Variants in PTPRG observed in about 807,000 individuals in gnomAD.
PTPRG encodes the protein protein tyrosine phosphatase receptor type G.
Under a neutral mutation model 165.3 loss-of-function variants are expected in PTPRG, and 102 were observed. The observed-to-expected ratio is 0.62, with a 90% CI of 0.53 to 0.73. The LOEUF is 0.73. Ranked by LOEUF, PTPRG falls within the 30% of genes least tolerant of loss-of-function variation. PTPRG has a pLI of 0.00. For missense variants in PTPRG, 1,866 were observed against 1,861.4 expected, an observed-to-expected ratio of 1.00 and a Z score of -0.05; for synonymous variants, 675 against 669.5, an observed-to-expected ratio of 1.01 and a Z score of -0.13.
At chr3:62,262,551 C>T (rs977684622) in intron 16 of PTPRG, 1 of 371,196 alleles carries the variant, frequency 2.7e-6, no homozygotes, top group African/African-American at 2.1e-5. Context: ...TTTTACATCT[C>T]AGGGACTAGG....
intron 2 of PTPRG, among the ~76,000 whole-genome samples, chr3:61,816,588 A>G (rs1011819348): frequency 6.6e-6 from 1 of 152,192 alleles, no homozygotes; most frequent in South Asian, 2.1e-4. Flanking sequence ...CCATCCAGCT[A>G]TCAGATGGTT....
At chr3:62,248,221 G>T (rs1365802139) in intron 15 of PTPRG, among the ~76,000 whole-genome samples, 1 of 152,144 alleles carries the variant, frequency 6.6e-6, no homozygotes, top group Admixed American at 6.5e-5. Flanking sequence ...TATTTTATCA[G>T]ATAGATTTTG....
chr3:62,099,595 TTTTATAGA>T (rs1389418237), intron 5 of PTPRG, among the ~76,000 whole-genome samples: 5 of 152,150 alleles, frequency 3.3e-5, no homozygotes, highest in Non-Finnish European at 5.9e-5. Flanking sequence ...AAAACTTATG[TTTTATAGA>T]GACTTTTAAT....
Position 61,562,220 on chromosome 3 carries a change from A to C in PTPRG, c.-68A>C. On this transcript the variant is annotated 5_prime_UTR_variant, in exon 1 of 30. Coordinates refer to ENST00000474889, the MANE Select transcript of PTPRG (RefSeq NM_002841.4). ...GCGCCCCGGCTTAGCGGAGGCTCGC[A>C]CGGAGGCAAGAACTTATTCAACAAG... 1 of 1,439,878 alleles carries C rather than the reference A, an allele frequency of 6.9e-7. No homozygotes were observed. 89.2% of individuals were successfully genotyped at this position (1,439,878 alleles called of 1,614,324 possible). A position where few individuals can be genotyped will look rare whatever the true frequency, so the allele number is the denominator to read the frequency against.
intron 2 of PTPRG, among the ~76,000 whole-genome samples, chr3:61,818,315 G>C (rs950747748): frequency 1.3e-5 from 2 of 152,114 alleles, no homozygotes; most frequent in African/African-American, 2.4e-5. Flanking sequence ...TTATACATTA[G>C]TTTTAGAGAA....
chr3:61,581,650 C>T (rs945898122), intron 1 of PTPRG, among the ~76,000 whole-genome samples: 1 of 150,412 alleles, frequency 6.6e-6, no homozygotes, highest in Non-Finnish European at 1.5e-5. Context: ...CGCTCTGTCC[C>T]CCAGGCTGGA....
chr3:62,116,294 T>C (rs906991588), intron 5 of PTPRG, among the ~76,000 whole-genome samples: 2 of 152,208 alleles, frequency 1.3e-5, no homozygotes, highest in African/African-American at 4.8e-5. Flanking sequence ...AAATTCAGCA[T>C]GATTGCTGTG....
chr3:61,846,673 G>A (rs372898957), intron 2 of PTPRG, among the ~76,000 whole-genome samples: 1 of 152,134 alleles, frequency 6.6e-6, no homozygotes, highest in East Asian at 1.9e-4. Context: ...CCCAGCACTT[G>A]GGAGGTTGAA....
intron 2 of PTPRG, among the ~76,000 whole-genome samples, chr3:61,764,701 A>T (rs2033960805): frequency 6.6e-6 from 1 of 152,178 alleles, no homozygotes; most frequent in African/African-American, 2.4e-5. Context: ...GGAAAGGTTC[A>T]ATGTTATACC....
intron 2 of PTPRG, among the ~76,000 whole-genome samples, chr3:61,914,121 A>C (rs1027295613): frequency 1.1e-4 from 16 of 152,142 alleles, no homozygotes; most frequent in African/African-American, 3.9e-4. Flanking sequence ...TCTCATCTAC[A>C]GTTCAGTGGT....
intron 7 of PTPRG, among the ~76,000 whole-genome samples, chr3:62,157,766 C>G (rs1289602907): frequency 6.6e-6 from 1 of 152,166 alleles, no homozygotes; most frequent in African/African-American, 2.4e-5. Flanking sequence ...ACCACTAAGC[C>G]TACCCACAGT....
At chr3:61,959,945 G>A (rs551130241) in intron 2 of PTPRG, among the ~76,000 whole-genome samples, 3 of 152,008 alleles carry the variant, frequency 2.0e-5, no homozygotes, top group Non-Finnish European at 2.9e-5. Flanking sequence ...TGTTCTCATC[G>A]TTGTCTTCTC....
intron 1 of PTPRG, among the ~76,000 whole-genome samples, chr3:61,602,974 G>A (rs185808879): frequency 3.9e-5 from 6 of 152,292 alleles, no homozygotes; most frequent in African/African-American, 1.4e-4. Flanking sequence ...GGTTGTATCT[G>A]TGGTGTGTGT....
At chr3:62,266,827 T>C (rs548205920) in intron 17 of PTPRG, among the ~76,000 whole-genome samples, 1 of 148,152 alleles carries the variant, frequency 6.7e-6, no homozygotes, top group East Asian at 2.0e-4. Context: ...GGCAACTAGA[T>C]ACACATGTCA....
chr3:62,024,356 A>G (rs1246472856), intron 4 of PTPRG, among the ~76,000 whole-genome samples: 2 of 152,134 alleles, frequency 1.3e-5, no homozygotes, highest in Admixed American at 1.3e-4. Context: ...TGATATAATT[A>G]TTTTGGCAAT....
intron 2 of PTPRG, among the ~76,000 whole-genome samples, chr3:61,862,684 C>T (rs1185685273): frequency 1.3e-5 from 2 of 152,096 alleles, no homozygotes; most frequent in Non-Finnish European, 2.9e-5. Flanking sequence ...TGTAAGCCAC[C>T]GTGCCCGGCC....
intron 1 of PTPRG, among the ~76,000 whole-genome samples, chr3:61,565,889 A>G (rs191911661): frequency 8.6e-5 from 13 of 151,968 alleles, no homozygotes; most frequent in Non-Finnish European, 1.6e-4. Flanking sequence ...GGCAAAAGTA[A>G]TATTTGGAAA....
intron 6 of PTPRG, among the ~76,000 whole-genome samples, chr3:62,155,418 G>A (rs965935906): frequency 6.6e-6 from 1 of 152,148 alleles, no homozygotes; most frequent in Non-Finnish European, 1.5e-5. Context: ...AATAATAAAA[G>A]CCTGGATTCT....
intron 1 of PTPRG, among the ~76,000 whole-genome samples, chr3:61,719,661 TC>T (rs2031965694): frequency 1.3e-5 from 2 of 152,152 alleles, no homozygotes; most frequent in African/African-American, 4.8e-5. Flanking sequence ...TCCTGTTTCT[TC>T]CTCCCAGAAG....
Sources: allele counts gnomAD v4.1 joint callset (sites outside exome capture counted in the v4.1 genomes callset), GRCh38; gene constraint gnomAD v4.1.1; transcripts MANE v1.5; gene names NCBI Gene and HGNC (gene_info 2026-07-23, HGNC 2026-07-21).